Variants in TBL1X observed in about 807,000 individuals in gnomAD.
TBL1X encodes F-box-like/WD repeat-containing protein TBL1X.
TBL1X carries 10 observed loss-of-function variants against 50.7 expected under a neutral mutation model. That is an observed-to-expected ratio of 0.20 (90% confidence interval 0.12 to 0.33). The LOEUF is 0.33. Among genes scored for constraint, TBL1X ranks in the 10% least tolerant of loss-of-function variants. TBL1X has a pLI of 1.00. For missense variants in TBL1X, 340 were observed against 504.4 expected (o/e 0.67, Z 3.12); for synonymous variants, 190 against 214.7 (o/e 0.88, Z 1.01).
intron 2 of TBL1X, among the ~76,000 whole-genome samples, chrX:9,638,744 T>C (rs2082760622): frequency 8.9e-6 from 1 of 111,848 alleles, no homozygotes; most frequent in Admixed American, 9.5e-5. Context: ...TTACAAGCAA[T>C]TTGGAACTTA....
Position 9,515,052 on chromosome X carries a change from TC to T in TBL1X, c.-131+13205del, listed in dbSNP as rs376580230. On this transcript the variant is annotated intron_variant, in intron 2 of 17. Coordinates refer to ENST00000645353, the MANE Select transcript of TBL1X (RefSeq NM_005647.4). Reference sequence around the variant, plus strand: ...CCGCTCATGTGTGTATGGGGTGTGCTCCTTTTGTTTTTGATGCTGAAATGAG... The same window carrying T: ...CCGCTCATGTGTGTATGGGGTGTGCTCTTTTGTTTTTGATGCTGAAATGAG... Among the ~76,000 whole-genome samples the T allele has an allele frequency of 5.5e-4, 61 of 111,103 alleles. 1 individual carries two copies. Among genetic ancestry groups the T allele is most frequent in the African/African-American group, 2.0e-3 (61 of 30,546 alleles).
intron 1 of TBL1X, among the ~76,000 whole-genome samples, chrX:9,483,001 T>A (rs776366637): frequency 9.0e-6 from 1 of 111,333 alleles, no homozygotes; most frequent in Non-Finnish European, 1.9e-5. Flanking sequence ...CTCAGGCGGT[T>A]ACAGTTTTGC....
At chrX:9,479,212 A>G (rs1002860975) in intron 1 of TBL1X, among the ~76,000 whole-genome samples, 2 of 112,905 alleles carry the variant, frequency 1.8e-5, no homozygotes, top group Non-Finnish European at 3.7e-5. Context: ...TAATCCTAGC[A>G]CTTTGGGAGG....
At chrX:9,566,011 A>G (rs972143381) in intron 2 of TBL1X, among the ~76,000 whole-genome samples, 5 of 112,296 alleles carry the variant, frequency 4.5e-5, no homozygotes, top group African/African-American at 1.6e-4. Flanking sequence ...CATTTTAAAA[A>G]AAATTTTGTA....
At chrX:9,501,318 G>A (rs1316299383) in intron 1 of TBL1X, among the ~76,000 whole-genome samples, 1 of 112,094 alleles carries the variant, frequency 8.9e-6, no homozygotes, top group Admixed American at 9.4e-5. Flanking sequence ...ATGTCACTCA[G>A]AGTGAGTGTG....
At chrX:9,692,031 C>T (rs1382980499) in intron 8 of TBL1X, 82 bp from the exon 9 acceptor site, 3 of 1,192,939 alleles carry the variant, frequency 2.5e-6, no homozygotes, top group East Asian at 3.0e-5. Flanking sequence ...TGAAGATGCC[C>T]TCTGGCCAGA....
At position 9,708,273 on chromosome X, in the gene TBL1X, G is replaced by A. The variant is rs868090383; in HGVS notation, c.1237-975G>A. Among the ~76,000 whole-genome samples, 3 of 111,999 alleles carry A rather than the reference G, an allele frequency of 2.7e-5. No individual in the cohort carries two copies. The Admixed American group carries it at 2.8e-4, about 11-fold the overall frequency. ...CCTTTATCCTCCAGGGTTTAGCCTC[G>A]TGGTCCCCAGGTGTCCTGAGCCTGT... On this transcript the variant is annotated intron_variant, in intron 13 of 17. Coordinates refer to ENST00000645353, the MANE Select transcript of TBL1X (RefSeq NM_005647.4).
intron 16 of TBL1X, among the ~76,000 whole-genome samples, chrX:9,714,136 T>C (rs1446155153): frequency 8.9e-6 from 1 of 111,889 alleles, no homozygotes; most frequent in Non-Finnish European, 1.9e-5. Flanking sequence ...TTCAAAGGCC[T>C]CAACTTCCCC....
intron 2 of TBL1X, among the ~76,000 whole-genome samples, chrX:9,603,415 A>G (rs928122490): frequency 4.4e-5 from 5 of 112,858 alleles, no homozygotes; most frequent in African/African-American, 1.6e-4. Flanking sequence ...AGTTGCATAC[A>G]CAGATGTACT....
intron 2 of TBL1X, among the ~76,000 whole-genome samples, chrX:9,525,650 T>C (rs767433176): frequency 8.9e-6 from 1 of 112,470 alleles, no homozygotes; most frequent in Non-Finnish European, 1.9e-5. Context: ...TTTGACTTTG[T>C]ACTGTTTAAG....
At chrX:9,617,221 A>T (rs1032152514) in intron 2 of TBL1X, among the ~76,000 whole-genome samples, 1 of 111,787 alleles carries the variant, frequency 8.9e-6, no homozygotes, top group Non-Finnish European at 1.9e-5. Context: ...GAGATGCCTT[A>T]TAAGTCCTGA....
intron 1 of TBL1X, among the ~76,000 whole-genome samples, chrX:9,492,873 GT>G (rs1569206091): frequency 2.4e-4 from 12 of 50,028 alleles, no homozygotes; most frequent in Admixed American, 4.4e-4. Context: ...GTGTGTGTGT[GT>G]GTGTGTGTGT....
chrX:9,591,426 A>T (rs1056554348), intron 2 of TBL1X, among the ~76,000 whole-genome samples: 3 of 112,525 alleles, frequency 2.7e-5, no homozygotes, highest in African/African-American at 9.7e-5. Context: ...CAGCCGATTC[A>T]TGCAGTCTCT....
intron 5 of TBL1X, among the ~76,000 whole-genome samples, chrX:9,668,259 T>C (rs1489297898): frequency 1.8e-5 from 2 of 111,081 alleles, no homozygotes; most frequent in African/African-American, 6.6e-5. Flanking sequence ...TAGACAATTA[T>C]TGTCTTGTGT....
At chrX:9,582,803 T>C in intron 2 of TBL1X, among the ~76,000 whole-genome samples, 1 of 112,571 alleles carries the variant, frequency 8.9e-6, no homozygotes, top group South Asian at 3.7e-4. Context: ...CTTGTTAATA[T>C]GGAAATTGTC....
At chrX:9,491,815 A>G (rs1157007727) in intron 1 of TBL1X, among the ~76,000 whole-genome samples, 3 of 110,623 alleles carry the variant, frequency 2.7e-5, no homozygotes, top group Non-Finnish European at 5.7e-5. Flanking sequence ...CCTACCCTCA[A>G]GTTGTTTTGG....
At chrX:9,684,021 C>G (rs1198057067) in intron 5 of TBL1X, 22 bp from the exon 6 acceptor site, 3 of 1,209,872 alleles carry the variant, frequency 2.5e-6, no homozygotes, top group Middle Eastern at 2.3e-4. Flanking sequence ...CACTCAACCT[C>G]AGCTTTCCCC....
intron 2 of TBL1X, among the ~76,000 whole-genome samples, chrX:9,577,936 G>A (rs1451474629): frequency 2.7e-5 from 3 of 112,315 alleles, no homozygotes; most frequent in Non-Finnish European, 3.8e-5. Flanking sequence ...GCAGTCTTTC[G>A]TGCTTTGGTC....
intron 12 of TBL1X, among the ~76,000 whole-genome samples, chrX:9,702,141 A>G (rs1261649041): frequency 9.0e-6 from 1 of 111,479 alleles, no homozygotes; most frequent in African/African-American, 3.3e-5. Context: ...GACTGCCTTT[A>G]AGAAACACAC....
Sources: allele counts gnomAD v4.1 joint callset (sites outside exome capture counted in the v4.1 genomes callset), GRCh38; gene constraint gnomAD v4.1.1; transcripts MANE v1.5; gene names NCBI Gene and HGNC (gene_info 2026-07-23, HGNC 2026-07-21).